Variants in CERS6 observed in about 807,000 individuals in gnomAD.
The protein encoded by CERS6 is ceramide synthase 6.
CERS6 carries 26 observed loss-of-function variants against 56.8 expected under a neutral mutation model. The observed-to-expected ratio is 0.46, with a 90% CI of 0.34 to 0.63. CERS6 has a LOEUF of 0.63. Ranked by LOEUF, CERS6 falls within the 30% of genes least tolerant of loss-of-function variation. The pLI is 0.01. For missense variants in CERS6, 415 were observed against 467.5 expected (o/e 0.89, Z 1.04); for synonymous variants, 164 against 173.3 (o/e 0.95, Z 0.42).
chr2:168,627,632 T>A (rs960187060), intron 3 of CERS6, among the ~76,000 whole-genome samples: 1 of 124 alleles, frequency 8.1e-3, no homozygotes, highest in Non-Finnish European at 0.045. Context: ...AACACTGAAG[T>A]TTTTTTTTTT....
chr2:168,518,906 C>T (rs75343141), intron 1 of CERS6, among the ~76,000 whole-genome samples: 2,434 of 152,258 alleles, frequency 0.016, 35 homozygotes, highest in African/African-American at 0.041. Flanking sequence ...CTTTGTTCCC[C>T]GTGGCCCTCC....
At chr2:168,488,914 T>C (rs1694320494) in intron 1 of CERS6, among the ~76,000 whole-genome samples, 1 of 152,214 alleles carries the variant, frequency 6.6e-6, no homozygotes, top group Non-Finnish European at 1.5e-5. Context: ...CCACCAGTGT[T>C]ACACATTTTG....
intron 3 of CERS6, among the ~76,000 whole-genome samples, chr2:168,581,235 TCTTGAACTGCTGA>T (rs1683402795): frequency 6.6e-6 from 1 of 152,172 alleles, no homozygotes; most frequent in African/African-American, 2.4e-5. Flanking sequence ...GTCATGCTGG[TCTTGAACTGCTGA>T]CCTGTAGTGA....
In CERS6 at chr2:168,770,257, T is replaced by C. The variant is rs1012469893; in HGVS notation, c.*595T>C. ...CAGTTCAAATTAAAGAAGATGGTTA[T>C]TGGAGAACTTTTTTGAATGGTTTTG... On this transcript the variant is annotated 3_prime_UTR_variant, in exon 10 of 10. Transcript: ENST00000305747. 2 of 152,384 alleles carry C rather than the reference T, an allele frequency of 1.3e-5. No homozygotes were observed. The highest frequency in any genetic ancestry group is 4.8e-5 in the African/African-American group (2 of 41,474). 9.4% of individuals were successfully genotyped at this position (152,384 alleles called of 1,614,324 possible).
At chr2:168,559,672 G>A (rs1021304989) in intron 2 of CERS6, among the ~76,000 whole-genome samples, 57 of 142,422 alleles carry the variant, frequency 4.0e-4, no homozygotes, top group African/African-American at 1.4e-3. Flanking sequence ...ATTTTGGGGA[G>A]CGCAGCATTC....
chr2:168,755,006 C>T (rs1684376991), intron 8 of CERS6, among the ~76,000 whole-genome samples: 1 of 152,174 alleles, frequency 6.6e-6, no homozygotes, highest in Non-Finnish European at 1.5e-5. Context: ...CTCCTAGGCT[C>T]ACGCGATCCC....
At chr2:168,501,391 G>A (rs1311141715) in intron 1 of CERS6, among the ~76,000 whole-genome samples, 1 of 152,224 alleles carries the variant, frequency 6.6e-6, no homozygotes, top group Non-Finnish European at 1.5e-5. Flanking sequence ...TAGTCAATAG[G>A]TTGGAGGTCG....
At chr2:168,503,073 T>C (rs1694613624) in intron 1 of CERS6, among the ~76,000 whole-genome samples, 1 of 152,150 alleles carries the variant, frequency 6.6e-6, no homozygotes, top group Admixed American at 6.5e-5. Context: ...TCCCCCATGC[T>C]TTTCTCATAG....
At position 168,711,919 on chromosome 2, in the gene CERS6, A is replaced by C. The variant is rs554863993; in HGVS notation, c.610-3082A>C. Among the ~76,000 whole-genome samples the C allele has an allele frequency of 5.9e-5, 9 of 151,496 alleles. No homozygotes were observed. The South Asian group carries it at 1.9e-3, about 32-fold the overall frequency. On this transcript the variant is annotated intron_variant, in intron 6 of 9. Transcript: ENST00000305747. ...TTTAACATTCTTGCACTTATGTTTA[A>C]AATAGAAATTGCCTTAACCACAGAC...
intron 4 of CERS6, among the ~76,000 whole-genome samples, chr2:168,647,250 G>A (rs1685226868): frequency 6.6e-6 from 1 of 151,788 alleles, no homozygotes; most frequent in Non-Finnish European, 1.5e-5. Flanking sequence ...TTACCTTCCT[G>A]TATTCCTTGG....
chr2:168,547,480 T>G, intron 1 of CERS6, 116 bp from the exon 2 acceptor site: 3 of 629,336 alleles, frequency 4.8e-6, no homozygotes, highest in African/African-American at 1.9e-5. Flanking sequence ...TGTACACCCA[T>G]GAAATCCTAC....
At chr2:168,659,341 C>G (rs749197345) in intron 4 of CERS6, among the ~76,000 whole-genome samples, 4 of 152,212 alleles carry the variant, frequency 2.6e-5, no homozygotes, top group Non-Finnish European at 4.4e-5. Flanking sequence ...CTCCTTTTCT[C>G]TCCCTCACAC....
intron 8 of CERS6, among the ~76,000 whole-genome samples, chr2:168,743,686 G>C (rs1574212239): frequency 6.6e-6 from 1 of 152,166 alleles, no homozygotes; most frequent in East Asian, 1.9e-4. Flanking sequence ...ATCTAAAGGG[G>C]AATATTTTTG....
chr2:168,693,995 T>C (rs1239615058), intron 5 of CERS6, among the ~76,000 whole-genome samples: 1 of 152,206 alleles, frequency 6.6e-6, no homozygotes, highest in African/African-American at 2.4e-5. Flanking sequence ...TTCATTATGC[T>C]GCTATTGGTG....
chr2:168,718,325 A>T (rs527908977), intron 8 of CERS6, among the ~76,000 whole-genome samples: 1 of 152,278 alleles, frequency 6.6e-6, no homozygotes, highest in South Asian at 2.1e-4. Context: ...TATGACAGGA[A>T]TCTCCTGTAC....
intron 6 of CERS6, among the ~76,000 whole-genome samples, chr2:168,703,516 C>A (rs1001064608): frequency 1.3e-5 from 2 of 152,138 alleles, no homozygotes; most frequent in Admixed American, 1.3e-4. Context: ...CAAGATCACG[C>A]CACTGCACTC....
intron 3 of CERS6, among the ~76,000 whole-genome samples, chr2:168,591,265 A>G (rs1303958566): frequency 6.6e-6 from 1 of 152,238 alleles, no homozygotes; most frequent in East Asian, 1.9e-4. Context: ...AATTCTCTAC[A>G]TAGTATTGTT....
intron 4 of CERS6, among the ~76,000 whole-genome samples, chr2:168,662,608 G>A (rs1423379987): frequency 6.6e-6 from 1 of 152,202 alleles, no homozygotes; most frequent in African/African-American, 2.4e-5. Flanking sequence ...GCGGGCGGCT[G>A]TAATCCCAGC....
At chr2:168,625,481 A>C (rs189116566) in intron 3 of CERS6, among the ~76,000 whole-genome samples, 78 of 152,304 alleles carry the variant, frequency 5.1e-4, no homozygotes, top group African/African-American at 1.8e-3. Flanking sequence ...ACTCCTAATA[A>C]AAATTTAGAT....
Sources: gnomAD v4.1 joint callset for allele counts (sites outside exome capture counted in the v4.1 genomes callset) on GRCh38, gnomAD v4.1.1 for gene constraint, MANE v1.5 for transcripts, NCBI Gene and HGNC (gene_info 2026-07-23, HGNC 2026-07-21) for gene names.